The following PAM variants were observed in gnomAD, a reference collection of about 807,000 sequenced individuals.
PAM encodes peptidyl-glycine alpha-amidating monooxygenase.
In PAM, 72 loss-of-function variants were observed where a neutral mutation model predicts 122.1. That is an observed-to-expected ratio of 0.59 (90% CI 0.49 to 0.72). The LOEUF is 0.72. Among genes scored for constraint, PAM ranks in the 30% least tolerant of loss-of-function variants. The pLI is 0.00. For synonymous variants in PAM, 389 were observed against 404.4 expected, an observed-to-expected ratio of 0.96 and a Z score of 0.46; for missense variants, 1,106 against 1,183.7, an observed-to-expected ratio of 0.93 and a Z score of 0.96.
At chr5:102,861,714 T>C (rs1216207641) in intron 1 of PAM, among the ~76,000 whole-genome samples, 3 of 152,220 alleles carry the variant, frequency 2.0e-5, no homozygotes, top group African/African-American at 2.4e-5. Context: ...AACATATTTG[T>C]TTTTAGGAAG....
At chr5:102,998,960 G>T (rs1776549448) in intron 16 of PAM, among the ~76,000 whole-genome samples, 1 of 152,310 alleles carries the variant, frequency 6.6e-6, no homozygotes, top group South Asian at 2.1e-4. Flanking sequence ...AATTGACTCA[G>T]TTCAGCATGG....
chr5:102,829,462 C>G (rs749916301), intron 1 of PAM, among the ~76,000 whole-genome samples: 1 of 151,476 alleles, frequency 6.6e-6, no homozygotes, highest in African/African-American at 2.4e-5. Flanking sequence ...AGCTCCGCCT[C>G]CCCGGCTCAC....
At position 102,782,725 on chromosome 5, in the gene PAM, C is replaced by CTCTGTG. The variant is rs1387780206; in HGVS notation, c.-374+27378_-374+27379insCTGTGT. Among the ~76,000 whole-genome samples, 514 of 140,182 alleles carry CTCTGTG rather than the reference C, an allele frequency of 3.7e-3. 3 individuals carry two copies. Among genetic ancestry groups the CTCTGTG allele is most frequent in the Middle Eastern group, 0.022 (6 of 272 alleles). 92.0% of individuals were successfully genotyped at this position (140,182 alleles called of 152,430 possible). Reference sequence around the variant, plus strand: ...CATTTCTCTCTCTCTCTCTCTCTCTCTGTGTGTGTGTGTGTGTGTGTGTGT... The same window carrying CTCTGTG: ...CATTTCTCTCTCTCTCTCTCTCTCTCTCTGTGTGTGTGTGTGTGTGTGTGTGTGTGT... On this transcript the variant is annotated intron_variant, in intron 1 of 25. Transcript: ENST00000438793.
intron 3 of PAM, among the ~76,000 whole-genome samples, chr5:102,898,478 A>G (rs533926101): frequency 2.2e-4 from 34 of 151,784 alleles, no homozygotes; most frequent in African/African-American, 8.2e-4. Flanking sequence ...TATAATGGGC[A>G]ATAAGGTGCT....
intron 5 of PAM, among the ~76,000 whole-genome samples, chr5:102,921,119 G>C (rs1747294465): frequency 6.6e-6 from 1 of 152,034 alleles, no homozygotes; most frequent in Non-Finnish European, 1.5e-5. Flanking sequence ...AACCACAAGG[G>C]AGCTATGTGA....
intron 1 of PAM, 119 bp downstream of exon 1, chr5:102,755,467 G>A (rs199639801): frequency 1.4e-5 from 2 of 147,712 alleles, no homozygotes; most frequent in East Asian, 4.1e-4. Context: ...GGTGCCCCAG[G>A]AGGTTGTTGC....
At chr5:102,989,048 G>T (rs114523379) in intron 15 of PAM, among the ~76,000 whole-genome samples, 67 of 152,280 alleles carry the variant, frequency 4.4e-4, no homozygotes, top group African/African-American at 1.6e-3. Context: ...GACTCAAATT[G>T]CTGCTTTTCT....
At chr5:102,848,491 C>T (rs963791678) in intron 1 of PAM, among the ~76,000 whole-genome samples, 3 of 152,162 alleles carry the variant, frequency 2.0e-5, no homozygotes, top group African/African-American at 7.2e-5. Flanking sequence ...GAGCGTCCCA[C>T]AAAGAAAAGA....
chr5:102,880,621 A>G (rs1399542195), intron 3 of PAM, among the ~76,000 whole-genome samples: 1 of 152,142 alleles, frequency 6.6e-6, no homozygotes, highest in East Asian at 1.9e-4. Context: ...AATGGTCTAG[A>G]GAGTAATGAC....
chr5:102,829,560 G>C (rs938802936), intron 1 of PAM, among the ~76,000 whole-genome samples: 15 of 152,154 alleles, frequency 9.9e-5, no homozygotes, highest in African/African-American at 3.6e-4. Context: ...ATTTTTAGTA[G>C]AGACGAGGTT....
chr5:102,885,709 C>G (rs1282812081), intron 3 of PAM, among the ~76,000 whole-genome samples: 1 of 151,950 alleles, frequency 6.6e-6, no homozygotes, highest in Non-Finnish European at 1.5e-5. Flanking sequence ...AAAAATTTGT[C>G]TTACTCATTT....
intron 1 of PAM, among the ~76,000 whole-genome samples, chr5:102,834,782 G>C (rs1776474412): frequency 6.6e-6 from 1 of 152,146 alleles, no homozygotes; most frequent in Admixed American, 6.6e-5. Context: ...GGAGGGAAGA[G>C]ATCCCTGGGA....
intron 1 of PAM, among the ~76,000 whole-genome samples, chr5:102,806,360 T>C (rs2150143449): frequency 6.6e-6 from 1 of 152,334 alleles, no homozygotes; most frequent in South Asian, 2.1e-4. Flanking sequence ...TTCCATTGTT[T>C]GAATTACAAT....
chr5:102,997,210 A>AGT (rs968199641), intron 16 of PAM, among the ~76,000 whole-genome samples: 1 of 152,202 alleles, frequency 6.6e-6, no homozygotes, highest in Non-Finnish European at 1.5e-5. Context: ...ACTGGGAAAG[A>AGT]TATCTTGATA....
intron 1 of PAM, among the ~76,000 whole-genome samples, chr5:102,768,271 T>C (rs1754702704): frequency 6.6e-6 from 1 of 152,172 alleles, no homozygotes. Flanking sequence ...GATATTTTGA[T>C]ACAGGCATAC....
intron 4 of PAM, 81 bp from the exon 5 acceptor site, chr5:102,913,853 C>A: frequency 1.3e-6 from 1 of 782,408 alleles, no homozygotes. Context: ...GGTATTTGAA[C>A]TGTTCAAAGA....
intron 1 of PAM, among the ~76,000 whole-genome samples, chr5:102,828,959 G>C (rs1580652863): frequency 8.4e-6 from 1 of 118,932 alleles, no homozygotes; most frequent in Admixed American, 1.0e-4. Context: ...TTGCTATATT[G>C]CCTAGGCTGG....
intron 1 of PAM, among the ~76,000 whole-genome samples, chr5:102,840,989 C>T (rs1250318148): frequency 6.6e-6 from 1 of 152,060 alleles, no homozygotes; most frequent in East Asian, 1.9e-4. Context: ...AATAACTAAT[C>T]TGATTTAATT....
At chr5:102,940,429 T>C (rs1377694859) in intron 7 of PAM, among the ~76,000 whole-genome samples, 1 of 147,582 alleles carries the variant, frequency 6.8e-6, no homozygotes, top group Non-Finnish European at 1.5e-5. Flanking sequence ...ATTTAAAGTG[T>C]ATATATATAT....
Sources: gnomAD v4.1 joint callset for allele counts (sites outside exome capture counted in the v4.1 genomes callset) on GRCh38, gnomAD v4.1.1 for gene constraint, MANE v1.5 for transcripts, NCBI Gene and HGNC (gene_info 2026-07-23, HGNC 2026-07-21) for gene names.